Variants in CHCHD3 observed in about 807,000 individuals in gnomAD.
CHCHD3 encodes coiled-coil-helix-coiled-coil-helix domain containing 3.
In CHCHD3, 20 loss-of-function variants were observed where a neutral mutation model predicts 38.2. The observed-to-expected ratio is 0.52, with a 90% CI of 0.37 to 0.76. The LOEUF (loss-of-function observed/expected upper bound fraction) is 0.76. Ranked by LOEUF, CHCHD3 falls within the 30% of genes least tolerant of loss-of-function variation. CHCHD3 has a pLI of 0.00. For missense variants in CHCHD3, 245 were observed against 279.2 expected (o/e 0.88, Z 0.87); for synonymous variants, 82 against 100.0 (o/e 0.82, Z 1.07).
At chr7:132,929,427 C>G (rs966436554) in intron 4 of CHCHD3, among the ~76,000 whole-genome samples, 1 of 152,114 alleles carries the variant, frequency 6.6e-6, no homozygotes, top group Non-Finnish European at 1.5e-5. Flanking sequence ...GGTAAGTATT[C>G]TCCAAAATTC....
At chr7:132,823,832 A>G (rs1264185002) in intron 6 of CHCHD3, among the ~76,000 whole-genome samples, 1 of 152,228 alleles carries the variant, frequency 6.6e-6, no homozygotes, top group Non-Finnish European at 1.5e-5. Context: ...GTGAATTCTT[A>G]GGACACCATT....
At chr7:133,044,202 A>C (rs893333942) in intron 2 of CHCHD3, among the ~76,000 whole-genome samples, 1 of 152,234 alleles carries the variant, frequency 6.6e-6, no homozygotes, top group Non-Finnish European at 1.5e-5. Context: ...CTCTACTAAC[A>C]ATCACAAAAC....
intron 4 of CHCHD3, among the ~76,000 whole-genome samples, chr7:132,936,612 C>T (rs1278465228): frequency 2.6e-5 from 4 of 152,192 alleles, no homozygotes; most frequent in Non-Finnish European, 4.4e-5. Context: ...CAATCTTATT[C>T]AAACTGTGAG....
At position 132,953,784 on chromosome 7, in the gene CHCHD3, T is replaced by C. The variant is rs143740402; in HGVS notation, c.369+21385A>G. ...ATGGCCATACTTGAACAGACTGTAT[T>C]TTACTCAAACAGGAGTAAAGGTCAT... is the stretch of plus-strand genomic sequence containing the variant. On this transcript the variant is annotated intron_variant, in intron 4 of 7. Coordinates refer to ENST00000262570, the MANE Select transcript of CHCHD3 (RefSeq NM_017812.4). 7.0e-3 allele frequency among the ~76,000 whole-genome samples: 1,072 copies of C among 152,288 alleles called. 11 individuals carry two copies. The highest frequency in any genetic ancestry group is 0.024 in the African/African-American group (996 of 41,562).
chr7:132,854,367 G>A (rs1562886216), intron 5 of CHCHD3, among the ~76,000 whole-genome samples: 1 of 152,102 alleles, frequency 6.6e-6, no homozygotes, highest in Non-Finnish European at 1.5e-5. Context: ...AGAGAAAAAA[G>A]GAGAGAAGAA....
At chr7:132,800,228 A>C (rs1404843646) in intron 6 of CHCHD3, among the ~76,000 whole-genome samples, 2 of 152,310 alleles carry the variant, frequency 1.3e-5, no homozygotes, top group East Asian at 3.9e-4. Flanking sequence ...AAACATGGTG[A>C]AGGACATAAA....
At chr7:133,047,894 C>T (rs528435936) in intron 2 of CHCHD3, among the ~76,000 whole-genome samples, 123 of 152,098 alleles carry the variant, frequency 8.1e-4, no homozygotes, top group Non-Finnish European at 1.5e-3. Flanking sequence ...TCGAGACCAG[C>T]CTGACCAACA....
intron 7 of CHCHD3, among the ~76,000 whole-genome samples, chr7:132,792,631 G>C (rs1203321929): frequency 2.0e-5 from 3 of 152,188 alleles, no homozygotes; most frequent in Non-Finnish European, 4.4e-5. Context: ...GTGCGCCTAT[G>C]AACAGGCATG....
Position 133,070,208 on chromosome 7 carries a change from G to C in CHCHD3, c.103C>G (p.Arg35Gly). 1 of 1,613,266 alleles carries C rather than the reference G, an allele frequency of 6.2e-7. No individual in the cohort carries two copies. The change falls in exon 2 of 8, where the codon CGA (arginine) becomes GGA (glycine). Residue 35 changes from arginine to glycine, a missense_variant. Physicochemically the swap from Arg to Gly is moderately radical, Grantham distance 125. Coordinates refer to ENST00000262570, the MANE Select transcript of CHCHD3 (RefSeq NM_017812.4). The part of the protein sequence containing the change: ...GIRLSENVID[R>G]MKESSPSGSK... ...CCAGATGGAGAGGATTCCTTCATTC[G>C]ATCAATCACATTTTCCGAAAGCTGG...
intron 7 of CHCHD3, among the ~76,000 whole-genome samples, chr7:132,795,207 G>A (rs911833686): frequency 6.6e-6 from 1 of 152,164 alleles, no homozygotes; most frequent in Non-Finnish European, 1.5e-5. Flanking sequence ...CTATTATCAA[G>A]TTAGAAAAAT....
chr7:133,074,826 T>G (rs1472019954), intron 1 of CHCHD3, among the ~76,000 whole-genome samples: 4 of 152,244 alleles, frequency 2.6e-5, no homozygotes, highest in Admixed American at 6.5e-5. Flanking sequence ...AAATAATGTT[T>G]ACCCCAGAGA....
intron 4 of CHCHD3, among the ~76,000 whole-genome samples, chr7:132,913,961 T>C (rs1810033605): frequency 6.7e-6 from 1 of 148,446 alleles, no homozygotes. Context: ...TTTTTTTTTT[T>C]TTTTTTTTGA....
rs555020843 is a variant in CHCHD3, at chr7:133,035,126, T to G, written c.170-10499A>C. 5 of 1,613,682 alleles carry G rather than the reference T, an allele frequency of 3.1e-6. No homozygotes were observed. The highest frequency in any genetic ancestry group is 4.2e-6 in the Non-Finnish European group (5 of 1,179,700). On this transcript the variant is annotated intron_variant, in intron 2 of 7. Transcript: ENST00000262570. This position sits in a 1 kb window ranked among gnomAD's most constrained non-coding sequence, Gnocchi z 4.7. ...GCTCAGCAGCCAGCGCCTGCTCACATTCATCCATCTCCTCCTCAGGAGCAG... is the reference window on the plus strand; with the variant it reads ...GCTCAGCAGCCAGCGCCTGCTCACAGTCATCCATCTCCTCCTCAGGAGCAG...
At position 133,081,878 on chromosome 7, in the gene CHCHD3, G is replaced by C; in HGVS notation, c.60C>G (p.Ile20Met). ...TCACCCGGATGCCCTTCACCACGGT[G>C]ATGTTCTCATTCTCGTCCGCCTCGA... ...VTFEADENEN[I>M]TVVKGIRLSE... Residue 20 changes from isoleucine (I) to methionine (M), a missense_variant, in exon 1 of 8, where the codon ATC becomes ATG. Transcript: ENST00000262570. 6.4e-7 allele frequency: 1 copy of C among 1,556,762 alleles called. No homozygotes were observed. The highest frequency in any genetic ancestry group is 8.7e-7 in the Non-Finnish European group (1 of 1,149,620).
chr7:132,986,735 A>C (rs1812134610), intron 3 of CHCHD3, among the ~76,000 whole-genome samples: 1 of 152,234 alleles, frequency 6.6e-6, no homozygotes, highest in Non-Finnish European at 1.5e-5. Context: ...TGCAGACAAA[A>C]GTGCCCTACT....
At chr7:132,885,049 C>G (rs1389985047) in intron 5 of CHCHD3, among the ~76,000 whole-genome samples, 1 of 152,072 alleles carries the variant, frequency 6.6e-6, no homozygotes, top group Non-Finnish European at 1.5e-5. Flanking sequence ...GCCAGGAGCT[C>G]AAGACCAGCA....
At chr7:133,018,875 C>CTTTTTTTTTTTTTTTT (rs5887607) in intron 3 of CHCHD3, among the ~76,000 whole-genome samples, 1 of 70,150 alleles carries the variant, frequency 1.4e-5, no homozygotes. Context: ...CATGATTTCT[C>CTTTTTTTTTTTTTTTT]TTTTTTTTTT....
chr7:132,972,647 G>A (rs2117327554), intron 4 of CHCHD3: 1 of 985,374 alleles, frequency 1.0e-6, no homozygotes, highest in Non-Finnish European at 1.2e-6. Context: ...TGTGGCCATG[G>A]CAGACCATGC....
At chr7:132,858,753 CTAA>C (rs1380773911) in intron 5 of CHCHD3, among the ~76,000 whole-genome samples, 1 of 152,148 alleles carries the variant, frequency 6.6e-6, no homozygotes, top group Non-Finnish European at 1.5e-5. Context: ...GGTATAAATG[CTAA>C]TAATAATATC....
Sources: allele counts gnomAD v4.1 joint callset (sites outside exome capture counted in the v4.1 genomes callset), GRCh38; gene constraint gnomAD v4.1.1; non-coding constraint Gnocchi (gnomAD v3.1); transcripts MANE v1.5; gene names NCBI Gene and HGNC (gene_info 2026-07-23, HGNC 2026-07-21).